The following PAG1 variants were observed in gnomAD, a reference collection of about 807,000 sequenced individuals.
PAG1 encodes phosphoprotein membrane anchor with glycosphingolipid microdomains 1.
A neutral mutation model predicts 31.7 loss-of-function variants in PAG1; 23 were observed. The ratio of observed to expected loss-of-function variants is 0.73; its 90% CI spans 0.52 to 1.03. PAG1 has a LOEUF of 1.03. PAG1 is among the 50% of genes least tolerant of loss of function. The probability of loss-of-function intolerance (pLI) is 0.00; values close to 1 mark genes in which losing one functional copy is unlikely to be tolerated. For synonymous variants in PAG1, 214 were observed against 210.3 expected, an observed-to-expected ratio of 1.02 and a Z score of -0.15; for missense variants, 473 against 540.7, an observed-to-expected ratio of 0.87 and a Z score of 1.24.
intron 3 of PAG1, among the ~76,000 whole-genome samples, chr8:81,023,213 T>TA (rs1163802006): frequency 6.6e-6 from 1 of 152,312 alleles, no homozygotes; most frequent in East Asian, 1.9e-4. Flanking sequence ...ACTTTTTTCT[T>TA]ATTTAACAGT....
intron 2 of PAG1, among the ~76,000 whole-genome samples, chr8:81,059,965 C>A (rs1438179091): frequency 6.6e-6 from 1 of 151,636 alleles, no homozygotes; most frequent in Non-Finnish European, 1.5e-5. Context: ...TTGCAGTGCG[C>A]CGAGATTGCA....
intron 1 of PAG1, among the ~76,000 whole-genome samples, chr8:81,083,198 G>A (rs1158558023): frequency 1.3e-5 from 2 of 152,126 alleles, no homozygotes; most frequent in Non-Finnish European, 2.9e-5. Context: ...AGGAGTGGGA[G>A]TTTTGGCTCT....
chr8:80,981,407 T>TA, intron 7 of PAG1, among the ~76,000 whole-genome samples: 4 of 152,006 alleles, frequency 2.6e-5, no homozygotes. Context: ...AGTGAGCCCT[T>TA]AAAGCCGCTC....
intron 7 of PAG1, among the ~76,000 whole-genome samples, chr8:80,982,678 C>T (rs1370359356): frequency 6.6e-6 from 1 of 152,164 alleles, no homozygotes; most frequent in Non-Finnish European, 1.5e-5. Context: ...TGAACGTACC[C>T]AACACTGACT....
At chr8:81,105,894 T>C (rs954434011) in intron 1 of PAG1, among the ~76,000 whole-genome samples, 1 of 152,222 alleles carries the variant, frequency 6.6e-6, no homozygotes. Flanking sequence ...ACAGTAATGC[T>C]GATTTAGTCA....
chr8:80,987,512 G>T, intron 5 of PAG1, 46 bp from the exon 6 acceptor site: 1 of 1,303,516 alleles, frequency 7.7e-7, no homozygotes, highest in South Asian at 1.2e-5. Flanking sequence ...ACATTGCTAA[G>T]AATCTGGACT....
At chr8:81,073,916 G>A (rs1041171048) in intron 1 of PAG1, among the ~76,000 whole-genome samples, 9 of 152,124 alleles carry the variant, frequency 5.9e-5, no homozygotes, top group Non-Finnish European at 8.8e-5. Context: ...GTGGGGGGGA[G>A]GCAGGTCAGA....
chr8:81,075,466 A>G (rs747055809), intron 1 of PAG1, among the ~76,000 whole-genome samples: 18 of 152,238 alleles, frequency 1.2e-4, no homozygotes, highest in Admixed American at 8.5e-4. Context: ...TGAAATAATT[A>G]AGAATCTCTA....
rs952602819 is a variant in PAG1 at position 80,968,888 on chromosome 8, G to T, written c.*7656C>A. ...GAATTGGGCCAACACATTTCTCAGA[G>T]AGACATGAGAACTGAGACACACAGG... is the stretch of plus-strand genomic sequence containing the variant. On this transcript the variant is annotated 3_prime_UTR_variant, in exon 9 of 9. Coordinates refer to ENST00000220597, the MANE Select transcript of PAG1 (RefSeq NM_018440.4). 1 of 152,200 alleles carries T rather than the reference G, an allele frequency of 6.6e-6. No individual in the cohort carries two copies. Among genetic ancestry groups the T allele is most frequent in the African/African-American group, 2.4e-5 (1 of 41,440 alleles). 9.4% of individuals were successfully genotyped at this position (152,200 alleles called of 1,614,324 possible).
At chr8:81,052,129 C>CAAA in intron 2 of PAG1, among the ~76,000 whole-genome samples, 1 of 74,200 alleles carries the variant, frequency 1.3e-5, no homozygotes, top group South Asian at 4.6e-4. Flanking sequence ...GACTCCATCT[C>CAAA]AAAAAAAAAA....
At chr8:80,980,311 C>G (rs1283076195) in intron 8 of PAG1, 124 bp downstream of exon 8, 1 of 626,992 alleles carries the variant, frequency 1.6e-6, no homozygotes, top group Non-Finnish European at 2.8e-6. Flanking sequence ...GTCTTCATCT[C>G]CAAACATAGG....
At chr8:81,066,180 CA>C (rs1468926931) in intron 2 of PAG1, among the ~76,000 whole-genome samples, 1 of 152,192 alleles carries the variant, frequency 6.6e-6, no homozygotes, top group East Asian at 1.9e-4. Context: ...CCTGCTGTTC[CA>C]ATAACCCGTT....
chr8:80,984,865 T>G lies in PAG1; in HGVS notation c.787A>C (p.Lys263Gln). 1 of 1,614,086 alleles carries G rather than the reference T, an allele frequency of 6.2e-7. No individual in the cohort carries two copies. The highest frequency in any genetic ancestry group is 1.1e-5 in the South Asian group (1 of 91,082). Residue 263 changes from lysine to glutamine, a missense_variant, in exon 7 of 9, where the codon AAG becomes CAG. By Grantham distance (53) the Lys-to-Gln change is moderately conservative (BLOSUM62 1). Coordinates refer to ENST00000220597, the MANE Select transcript of PAG1 (RefSeq NM_018440.4). ...EEEAPPPVPV[K>Q]LLDENENLQE... ...AGGTTTTCATTCTCGTCCAGAAGCT[T>G]AACAGGGACAGGTGGTGGGGCCTCC...
intron 3 of PAG1, among the ~76,000 whole-genome samples, chr8:81,016,412 G>C (rs1360223634): frequency 6.6e-6 from 1 of 152,198 alleles, no homozygotes. Context: ...TGATGTAAAT[G>C]AGAAAGTACA....
At chr8:80,987,277 C>A in intron 6 of PAG1, 93 bp downstream of exon 6, 1 of 810,130 alleles carries the variant, frequency 1.2e-6, no homozygotes, top group Non-Finnish European at 2.1e-6. Flanking sequence ...AGCAATAACA[C>A]ATTTCCTACT....
intron 7 of PAG1, among the ~76,000 whole-genome samples, chr8:80,983,190 A>G (rs1385328832): frequency 6.6e-6 from 1 of 152,106 alleles, no homozygotes; most frequent in Non-Finnish European, 1.5e-5. Context: ...CAGGGGCCTC[A>G]CACTGGGCAT....
intron 3 of PAG1, among the ~76,000 whole-genome samples, chr8:81,001,868 G>T (rs891410192): frequency 1.3e-5 from 2 of 152,118 alleles, no homozygotes; most frequent in African/African-American, 2.4e-5. Context: ...ACCTCCAGGC[G>T]TCTGGCCTGT....
intron 1 of PAG1, among the ~76,000 whole-genome samples, chr8:81,089,035 C>A (rs1049663786): frequency 6.6e-6 from 1 of 152,236 alleles, no homozygotes; most frequent in Non-Finnish European, 1.5e-5. Flanking sequence ...CTTTTAAGAA[C>A]TGTGAAAGAT....
chr8:81,109,766 G>C (rs1809746105), intron 1 of PAG1, among the ~76,000 whole-genome samples: 1 of 152,154 alleles, frequency 6.6e-6, no homozygotes, highest in Admixed American at 6.5e-5. Context: ...AGTGGGGTAG[G>C]TACTACTACT....
Sources: allele counts gnomAD v4.1 joint callset (sites outside exome capture counted in the v4.1 genomes callset), GRCh38; gene constraint gnomAD v4.1.1; transcripts MANE v1.5; gene names NCBI Gene and HGNC (gene_info 2026-07-23, HGNC 2026-07-21).